Variants in SPARC observed in about 807,000 individuals in gnomAD.
The protein encoded by SPARC is basement-membrane protein 40.
In SPARC, 23 loss-of-function variants were observed where a neutral mutation model predicts 37.7. That is an observed-to-expected ratio of 0.61 (90% CI 0.44 to 0.87). The LOEUF (loss-of-function observed/expected upper bound fraction) is 0.87, where lower values mean the gene tolerates loss of function less well. Ranked by LOEUF, SPARC falls within the 40% of genes least tolerant of loss-of-function variation. The probability of loss-of-function intolerance (pLI) is 0.00; values close to 1 mark genes in which losing one functional copy is unlikely to be tolerated. For missense variants in SPARC, 312 were observed against 389.0 expected, an observed-to-expected ratio of 0.80 and a Z score of 1.66; for synonymous variants, 155 against 150.8, an observed-to-expected ratio of 1.03 and a Z score of -0.20.
chr5:151,670,655 G>A (rs1251612535), intron 5 of SPARC, among the ~76,000 whole-genome samples: 2 of 152,186 alleles, frequency 1.3e-5, no homozygotes, highest in African/African-American at 4.8e-5. Context: ...GGGTGGCCAA[G>A]CAGAGATGTT....
At chr5:151,664,304 C>A (rs1042186874) in intron 8 of SPARC, 69 bp from the exon 9 acceptor site, 1 of 1,482,336 alleles carries the variant, frequency 6.7e-7, no homozygotes, top group Non-Finnish European at 9.3e-7. Flanking sequence ...GGGAGGCAAC[C>A]GGGGAGTTAG....
chr5:151,667,031 A>G (rs1760638810), intron 7 of SPARC, among the ~76,000 whole-genome samples: 1 of 152,220 alleles, frequency 6.6e-6, no homozygotes, highest in Non-Finnish European at 1.5e-5. Flanking sequence ...TCAAAAAAAT[A>G]AAATAAACAT....
chr5:151,676,098 T>G (rs1236519008), intron 2 of SPARC, 34 bp downstream of exon 2: 1 of 1,585,366 alleles, frequency 6.3e-7, no homozygotes, highest in South Asian at 1.1e-5. Context: ...GCGGTAGGAA[T>G]GAAAACAAGA....
intron 1 of SPARC, chr5:151,679,474 T>C (rs1293383590): frequency 6.6e-6 from 1 of 152,282 alleles, no homozygotes; most frequent in Non-Finnish European, 1.5e-5. Flanking sequence ...GGGGCTCAGT[T>C]GGGCCTTGAA....
intron 1 of SPARC, among the ~76,000 whole-genome samples, chr5:151,680,862 T>A (rs1760973357): frequency 6.6e-6 from 1 of 152,162 alleles, no homozygotes; most frequent in South Asian, 2.1e-4. Context: ...TCTTATAAAG[T>A]CCGAGGTTCC....
At chr5:151,675,502 AT>A (rs1350607690) in intron 2 of SPARC, among the ~76,000 whole-genome samples, 1 of 152,122 alleles carries the variant, frequency 6.6e-6, no homozygotes, top group African/African-American at 2.4e-5. Flanking sequence ...CATTTTTTGA[AT>A]TTATAAAAAC....
chr5:151,664,973 A>G (rs1279097030), intron 8 of SPARC, among the ~76,000 whole-genome samples: 3 of 152,126 alleles, frequency 2.0e-5, no homozygotes, highest in Non-Finnish European at 4.4e-5. Context: ...AAGATCCACA[A>G]AGGATCTCCA....
intron 1 of SPARC, among the ~76,000 whole-genome samples, chr5:151,680,062 C>T (rs562620794): frequency 6.6e-6 from 1 of 152,114 alleles, no homozygotes; most frequent in South Asian, 2.1e-4. Flanking sequence ...TGAAATGTTG[C>T]CAGTGCAAAT....
intron 7 of SPARC, 61 bp downstream of exon 7, chr5:151,667,406 T>G: frequency 6.2e-7 from 1 of 1,604,168 alleles, no homozygotes. Context: ...GGGGCCCAGT[T>G]CTAGGAATGG....
intron 7 of SPARC, 102 bp downstream of exon 7, chr5:151,667,365 C>T (rs960871233): frequency 8.1e-6 from 11 of 1,353,084 alleles, no homozygotes; most frequent in African/African-American, 7.2e-5. Context: ...GGTAAATGCA[C>T]GCTCCGGAGC....
At position 151,664,203 on chromosome 5, in the gene SPARC, C is replaced by T. The variant is rs773107816; in HGVS notation, c.767G>A (p.Arg256His). 1.3e-5 allele frequency: 21 copies of T among 1,614,038 alleles called. No individual in the cohort carries two copies. The South Asian group carries it at 1.8e-4, about 14-fold the overall frequency. Residue 256 changes from arginine to histidine, a missense_variant, in exon 9 of 10, where the codon CGT (arginine) becomes CAT (histidine). Coordinates refer to ENST00000231061, the MANE Select transcript of SPARC (RefSeq NM_003118.4). ...YLSHTELAPL[R>H]APLIPMEHCT... ...ATGCTCCATGGGGATGAGGGGAGCA[C>T]GCAGTGGAGCCAGCTCGGTGTGGGA...
chr5:151,675,042 G>A (rs1160124904), intron 2 of SPARC, among the ~76,000 whole-genome samples: 1 of 152,202 alleles, frequency 6.6e-6, no homozygotes, highest in Non-Finnish European at 1.5e-5. Flanking sequence ...ATGACACTGT[G>A]AATTTTAACA....
At position 151,673,157 on chromosome 5, in the gene SPARC, C is replaced by T. The variant is rs1760784199; in HGVS notation, c.180G>A (p.Glu60=). Reference sequence around the variant, plus strand: ...CCGCCACCACCTCCTCTTCGGTTTCCTCTGCACCATCATCAAATTCTCCTA... The same window carrying T: ...CCGCCACCACCTCCTCTTCGGTTTCTTCTGCACCATCATCAAATTCTCCTA... ...VEVGEFDDGA[E]ETEEEVVAEN... Residue 60 remains glutamate, a synonymous_variant, in exon 4 of 10, where the codon GAG becomes GAA. Transcript: ENST00000231061. 1.2e-6 allele frequency: 2 copies of T among 1,613,906 alleles called. No individual in the cohort carries two copies. Among genetic ancestry groups the T allele is most frequent in the Non-Finnish European group, 1.7e-6 (2 of 1,179,866 alleles).
At chr5:151,677,417 T>G in intron 1 of SPARC, among the ~76,000 whole-genome samples, 1 of 152,184 alleles carries the variant, frequency 6.6e-6, no homozygotes, top group South Asian at 2.1e-4. Context: ...CCTGTCAGGC[T>G]CATCATCCCT....
chr5:151,681,797 G>A (rs1230343123), intron 1 of SPARC, among the ~76,000 whole-genome samples: 1 of 152,196 alleles, frequency 6.6e-6, no homozygotes, highest in African/African-American at 2.4e-5. Flanking sequence ...GGAGGCTGAG[G>A]CAGGAGAGTC....
chr5:151,661,341 A>G lies in SPARC; in HGVS notation c.*2230T>C, dbSNP rs1760496719. The stretch of plus-strand genomic sequence containing the variant: ...CTCTCTCTACAGATTCCTAGAGATT[A>G]TGAGACTAGTGCTGGGCTTGCATTC... On this transcript the variant is annotated 3_prime_UTR_variant, in exon 10 of 10. Coordinates refer to ENST00000231061, the MANE Select transcript of SPARC (RefSeq NM_003118.4). 2 of 152,334 alleles carry G rather than the reference A, an allele frequency of 1.3e-5. No individual in the cohort carries two copies. Among genetic ancestry groups the G allele is most frequent in the East Asian group, 1.9e-4 (1 of 5,184 alleles). The allele number at this position is 152,334 out of a possible 1,614,324, so 9.4% of individuals were successfully genotyped here. A position where few individuals can be genotyped will look rare whatever the true frequency, so the allele number is the denominator to read the frequency against.
At position 151,663,427 on chromosome 5, in the gene SPARC, T is replaced by A; in HGVS notation, c.*144A>T. 1 of 782,032 alleles carries A rather than the reference T, an allele frequency of 1.3e-6. No individual in the cohort carries two copies. Among genetic ancestry groups the A allele is most frequent in the Non-Finnish European group, 2.1e-6 (1 of 469,420 alleles). 48.4% of individuals were successfully genotyped at this position (782,032 alleles called of 1,614,324 possible). A position where few individuals can be genotyped will look rare whatever the true frequency, so the allele number is the denominator to read the frequency against. On this transcript the variant is annotated 3_prime_UTR_variant, in exon 10 of 10. Coordinates refer to ENST00000231061, the MANE Select transcript of SPARC (RefSeq NM_003118.4). ...ATGTCTTGGGTTAGAATTTTCATTT[T>A]TAGCACCGTTAATGTATTCACTTAA...
At position 151,669,658 on chromosome 5, in the gene SPARC, A is replaced by G. The variant is rs746596882; in HGVS notation, c.451+6T>C. 3 of 1,614,076 alleles carry G rather than the reference A, an allele frequency of 1.9e-6. No homozygotes were observed. The African/African-American group carries it at 4.0e-5, about 22-fold the overall frequency. ...CAGGAGTCTGGAAGGGCCCAAGGAC[A>G]CTCACATTTGCAAGGCCCGATGTAG... On this transcript the variant is annotated splice_donor_region_variant and intron_variant, in intron 6 of 9. Coordinates refer to ENST00000231061, the MANE Select transcript of SPARC (RefSeq NM_003118.4).
At chr5:151,670,484 T>C (rs958871480) in intron 5 of SPARC, among the ~76,000 whole-genome samples, 8 of 152,204 alleles carry the variant, frequency 5.3e-5, no homozygotes, top group Admixed American at 3.9e-4. Context: ...TGACCCCTCT[T>C]GGGAGTCAGT....
Sources: gnomAD v4.1 joint callset for allele counts (sites outside exome capture counted in the v4.1 genomes callset) on GRCh38, gnomAD v4.1.1 for gene constraint, MANE v1.5 for transcripts, NCBI Gene and HGNC (gene_info 2026-07-23, HGNC 2026-07-21) for gene names.